Variants in SAMSN1 observed in about 807,000 individuals in gnomAD.
SAMSN1 encodes SAM domain-containing protein SAMSN-1.
SAMSN1 carries 31 observed loss-of-function variants against 42.0 expected under a neutral mutation model. The ratio of observed to expected loss-of-function variants is 0.74; its 90% CI spans 0.55 to 1.00. The LOEUF (loss-of-function observed/expected upper bound fraction) is 1.00. SAMSN1 is among the 50% of genes least tolerant of loss of function. The pLI, the probability that SAMSN1 is intolerant of heterozygous loss-of-function variation, is 0.00. For missense variants in SAMSN1, 464 were observed against 439.4 expected, an observed-to-expected ratio of 1.06 and a Z score of -0.50; for synonymous variants, 178 against 151.9, an observed-to-expected ratio of 1.17 and a Z score of -1.26.
intron 6 of SAMSN1, among the ~76,000 whole-genome samples, chr21:14,599,925 C>T (rs1158857268): frequency 6.6e-6 from 1 of 152,110 alleles, no homozygotes; most frequent in Non-Finnish European, 1.5e-5. Context: ...GACTAAGACA[C>T]TCACCAACTC....
intron 2 of SAMSN1, among the ~76,000 whole-genome samples, chr21:14,616,189 T>A (rs1000667032): frequency 2.0e-5 from 3 of 152,188 alleles, no homozygotes; most frequent in Non-Finnish European, 2.9e-5. Flanking sequence ...ATTTTAGTAA[T>A]GTGTCACAGA....
At chr21:14,530,012 C>T (rs986750324) in intron 1 of SAMSN1, among the ~76,000 whole-genome samples, 5 of 152,114 alleles carry the variant, frequency 3.3e-5, no homozygotes, top group African/African-American at 9.7e-5. Flanking sequence ...ACAAGAGGCT[C>T]TTTAGAAATA....
At chr21:14,493,915 A>G (rs1467764636) in intron 7 of SAMSN1, among the ~76,000 whole-genome samples, 1 of 152,186 alleles carries the variant, frequency 6.6e-6, no homozygotes, top group Non-Finnish European at 1.5e-5. Context: ...ATCCTCCTCC[A>G]GAGGTAATCC....
At chr21:14,579,325 A>T (rs1981620510) in intron 2 of SAMSN1, among the ~76,000 whole-genome samples, 1 of 152,202 alleles carries the variant, frequency 6.6e-6, no homozygotes, top group African/African-American at 2.4e-5. Context: ...AAACTCACTT[A>T]ATCGTTAAGT....
At chr21:14,652,609 T>C (rs909601716) in intron 1 of SAMSN1, among the ~76,000 whole-genome samples, 15 of 152,042 alleles carry the variant, frequency 9.9e-5, no homozygotes, top group African/African-American at 3.6e-4. Context: ...AGGGAAAATC[T>C]TCAAGACATT....
intron 1 of SAMSN1, among the ~76,000 whole-genome samples, chr21:14,531,013 G>A (rs2123090405): frequency 6.6e-6 from 1 of 151,798 alleles, no homozygotes; most frequent in African/African-American, 2.4e-5. Context: ...ATTTTAACTA[G>A]TCACATCATT....
intron 2 of SAMSN1, among the ~76,000 whole-genome samples, chr21:14,622,327 C>T (rs1245276856): frequency 6.6e-6 from 1 of 152,180 alleles, no homozygotes; most frequent in Non-Finnish European, 1.5e-5. Flanking sequence ...CTTCTCCGAG[C>T]TAAAGGAAGA....
At chr21:14,641,759 G>A (rs966987186) in intron 2 of SAMSN1, among the ~76,000 whole-genome samples, 2 of 152,062 alleles carry the variant, frequency 1.3e-5, no homozygotes, top group African/African-American at 2.4e-5. Context: ...ATTGTCCTAA[G>A]CCACAACAAA....
intron 7 of SAMSN1, among the ~76,000 whole-genome samples, chr21:14,497,998 A>G (rs770791304): frequency 7.9e-5 from 12 of 152,228 alleles, no homozygotes; most frequent in Admixed American, 3.3e-4. Flanking sequence ...AAACATGTAC[A>G]AGATGTGACT....
At chr21:14,643,887 C>T (rs553259574) in intron 1 of SAMSN1, among the ~76,000 whole-genome samples, 17 of 152,250 alleles carry the variant, frequency 1.1e-4, no homozygotes, top group African/African-American at 3.6e-4. Flanking sequence ...AGCCATCGTG[C>T]GGCATTGAAC....
intron 2 of SAMSN1, among the ~76,000 whole-genome samples, chr21:14,520,054 T>C (rs1978352471): frequency 6.6e-6 from 1 of 152,244 alleles, no homozygotes; most frequent in Admixed American, 6.5e-5. Context: ...ATAGTTCCTA[T>C]GTTATAAATA....
At chr21:14,630,077 T>A (rs1057375190) in intron 2 of SAMSN1, among the ~76,000 whole-genome samples, 1 of 152,148 alleles carries the variant, frequency 6.6e-6, no homozygotes, top group African/African-American at 2.4e-5. Flanking sequence ...CAAAAAAATG[T>A]GATAGGAAAT....
At chr21:14,502,142 T>C (rs1279582158) in intron 5 of SAMSN1, among the ~76,000 whole-genome samples, 2 of 152,234 alleles carry the variant, frequency 1.3e-5, no homozygotes, top group Non-Finnish European at 2.9e-5. Flanking sequence ...GCTCTGAGAA[T>C]GTGTGTTCTT....
At chr21:14,626,103 C>T (rs1000259530) in intron 2 of SAMSN1, among the ~76,000 whole-genome samples, 5 of 152,220 alleles carry the variant, frequency 3.3e-5, no homozygotes, top group African/African-American at 1.2e-4. Context: ...TGGATCCCTT[C>T]TTTACACCTT....
chr21:14,497,700 TC>T (rs1986969278), intron 7 of SAMSN1, among the ~76,000 whole-genome samples: 1 of 152,168 alleles, frequency 6.6e-6, no homozygotes, highest in Admixed American at 6.5e-5. Context: ...AGTTAGACTT[TC>T]CCCTTTTGGT....
rs1426633439 is a variant in SAMSN1, at chr21:14,581,438, A to C, written c.261+698T>G. On this transcript the variant is annotated intron_variant, in intron 2 of 8. Coordinates refer to the SAMSN1 transcript ENST00000285670. ...CAGTGGCGCGATCTCGGCTCACTGC[A>C]AGCTCCACCTCCTGGGTTCACGCCA... Among the ~76,000 whole-genome samples the C allele has an allele frequency of 7.8e-5, 10 of 128,598 alleles. No homozygotes were observed. The Admixed American group carries it at 8.2e-4, about 10-fold the overall frequency. The allele number at this position is 128,598 out of a possible 152,430, so 84.4% of individuals were successfully genotyped here. A position where few individuals can be genotyped will look rare whatever the true frequency, so the allele number is the denominator to read the frequency against.
intron 2 of SAMSN1, among the ~76,000 whole-genome samples, chr21:14,642,313 A>C (rs969161351): frequency 2.6e-5 from 4 of 152,242 alleles, no homozygotes; most frequent in South Asian, 2.1e-4. Flanking sequence ...TATCTCTAGT[A>C]ATTTTAAAGA....
At chr21:14,561,105 A>G (rs890117009) in intron 2 of SAMSN1, among the ~76,000 whole-genome samples, 2 of 152,140 alleles carry the variant, frequency 1.3e-5, no homozygotes, top group Non-Finnish European at 2.9e-5. Flanking sequence ...TGTAGATAAC[A>G]TCACTATTGT....
At chr21:14,654,912 A>G (rs1343357925) in intron 1 of SAMSN1, among the ~76,000 whole-genome samples, 1 of 151,988 alleles carries the variant, frequency 6.6e-6, no homozygotes, top group Non-Finnish European at 1.5e-5. Flanking sequence ...ATTCTAAATT[A>G]GCCAAAGCAC....
Sources: allele counts gnomAD v4.1 joint callset (sites outside exome capture counted in the v4.1 genomes callset), GRCh38; gene constraint gnomAD v4.1.1; transcripts MANE v1.5; gene names NCBI Gene and HGNC (gene_info 2026-07-23, HGNC 2026-07-21).